The following PRDM11 variants were observed in gnomAD, a reference collection of about 807,000 sequenced individuals.
PRDM11 encodes PR domain-containing protein 11.
PRDM11 carries 20 observed loss-of-function variants against 97.8 expected under a neutral mutation model. The ratio of observed to expected loss-of-function variants is 0.20; its 90% CI spans 0.14 to 0.30. The LOEUF (loss-of-function observed/expected upper bound fraction) is 0.30. PRDM11 is among the 10% of genes least tolerant of loss of function. PRDM11 has a pLI of 1.00. For synonymous variants in PRDM11, 599 were observed against 637.7 expected (o/e 0.94, Z 0.91); for missense variants, 1,139 against 1,555.2 (o/e 0.73, Z 4.50).
Position 45,219,078 on chromosome 11 carries a change from T to C in PRDM11, c.555-492T>C, listed in dbSNP as rs559283044. 1.5e-4 allele frequency among the ~76,000 whole-genome samples: 23 copies of C among 152,330 alleles called. No individual in the cohort carries two copies. Among genetic ancestry groups the C allele is most frequent in the African/African-American group, 5.5e-4 (23 of 41,562 alleles). On this transcript the variant is annotated intron_variant, in intron 5 of 7. Coordinates refer to ENST00000683152, the MANE Select transcript of PRDM11 (RefSeq NM_001384648.1). This position sits in a 1 kb window ranked among gnomAD's most constrained non-coding sequence, Gnocchi z 4.2. Reference sequence around the variant, plus strand: ...AAAGATTTTGATCTTTAGCATTTATTAATTGATCTCTTGGACACCTTGTCA... The same window carrying C: ...AAAGATTTTGATCTTTAGCATTTATCAATTGATCTCTTGGACACCTTGTCA...
At chr11:45,137,164 A>AAAACAAACAAACAAAC (rs374207641) in intron 1 of PRDM11, among the ~76,000 whole-genome samples, 161 of 148,256 alleles carry the variant, frequency 1.1e-3, no homozygotes, top group African/African-American at 3.9e-3. Context: ...CTCTGTCTCA[A>AAAACAAACAAACAAAC]AAACAAACAA....
intron 4 of PRDM11, among the ~76,000 whole-genome samples, chr11:45,195,000 G>C (rs146480710): frequency 1.3e-5 from 2 of 151,844 alleles, no homozygotes; most frequent in East Asian, 3.9e-4. Flanking sequence ...CTTTTAACTA[G>C]ATCTCCAGTT....
intron 6 of PRDM11, 60 bp from the exon 7 acceptor site, chr11:45,224,157 G>T (rs1032305302): frequency 6.6e-7 from 1 of 1,513,948 alleles, no homozygotes; most frequent in Non-Finnish European, 8.8e-7. Flanking sequence ...TTTGTTTTCT[G>T]TTGGTTTCTC....
intron 1 of PRDM11, among the ~76,000 whole-genome samples, chr11:45,131,458 G>A (rs1852718283): frequency 6.6e-6 from 1 of 152,182 alleles, no homozygotes; most frequent in African/African-American, 2.4e-5. Flanking sequence ...CAAAGTTTTG[G>A]AGGGAAATTT....
chr11:45,166,718 C>A (rs973728553), intron 1 of PRDM11, among the ~76,000 whole-genome samples: 1 of 152,196 alleles, frequency 6.6e-6, no homozygotes, highest in Non-Finnish European at 1.5e-5. Flanking sequence ...GTAAAACACC[C>A]GACACAGAGC....
chr11:45,204,687 C>G, intron 4 of PRDM11, 24 bp from the exon 5 acceptor site: 1 of 1,600,270 alleles, frequency 6.2e-7, no homozygotes, highest in Non-Finnish European at 8.6e-7. Flanking sequence ...ATGGCCCATC[C>G]TAGACTCTTT....
intron 1 of PRDM11, among the ~76,000 whole-genome samples, chr11:45,125,721 C>A (rs11500465): frequency 4.6e-4 from 70 of 152,228 alleles, no homozygotes; most frequent in African/African-American, 1.7e-3. Context: ...GTTATAATTT[C>A]TGTTCTTTTA....
At chr11:45,122,013 G>A (rs999581630) in intron 1 of PRDM11, among the ~76,000 whole-genome samples, 5 of 151,750 alleles carry the variant, frequency 3.3e-5, no homozygotes, top group South Asian at 2.1e-4. Context: ...CAGGAAGATA[G>A]ATAAACAACA....
chr11:45,225,930 G>A (rs551618466), intron 7 of PRDM11, 65 bp from the exon 8 acceptor site: 2 of 1,436,926 alleles, frequency 1.4e-6, no homozygotes, highest in East Asian at 2.5e-5. Context: ...AGTGTTTCCT[G>A]TGGATTTTGG....
chr11:45,126,521 C>G lies in PRDM11; in HGVS notation c.96+30620C>G, dbSNP rs376551783. Among the ~76,000 whole-genome samples the G allele has an allele frequency of 6.2e-3, 943 of 152,046 alleles. 13 individuals carry two copies. The highest frequency in any genetic ancestry group is 0.021 in the African/African-American group (886 of 41,466). ...AGTGCTTCCTTCAGGAGCTCTTTTA[C>G]GGCAGGCCTGGTGGTGACAAAATCT... On this transcript the variant is annotated intron_variant, in intron 1 of 6. Transcript: ENST00000530656.
intron 1 of PRDM11, among the ~76,000 whole-genome samples, chr11:45,102,617 G>A (rs1011481366): frequency 6.6e-6 from 1 of 152,060 alleles, no homozygotes; most frequent in Non-Finnish European, 1.5e-5. Flanking sequence ...CAGTCCATTA[G>A]GTCCAGCCCC....
Position 45,212,883 on chromosome 11 carries a change from G to A in PRDM11, c.555-6687G>A, listed in dbSNP as rs1420910455. The A allele has an allele frequency of 9.3e-6, 4 of 430,344 alleles. No individual in the cohort carries two copies. In the Admixed American group the frequency reaches 9.7e-5, roughly 10 times the overall value. The allele number at this position is 430,344 out of a possible 1,614,324, so 26.7% of individuals were successfully genotyped here. A position where few individuals can be genotyped will look rare whatever the true frequency, so the allele number is the denominator to read the frequency against. The stretch of plus-strand genomic sequence containing the variant: ...CAGACGCTGACAGAGATCCGGGATG[G>A]GGTTCAGGCATCTCAGCGGGGGCCA... On this transcript the variant is annotated intron_variant, in intron 5 of 7. Transcript: ENST00000683152.
At chr11:45,221,875 C>T (rs1854130295) in intron 6 of PRDM11, among the ~76,000 whole-genome samples, 1 of 152,162 alleles carries the variant, frequency 6.6e-6, no homozygotes, top group Non-Finnish European at 1.5e-5. Context: ...GTAGCTTCAG[C>T]GGACTCTGGT....
intron 1 of PRDM11, among the ~76,000 whole-genome samples, chr11:45,152,248 G>T (rs541382617): frequency 3.3e-4 from 50 of 152,060 alleles, no homozygotes; most frequent in Non-Finnish European, 4.9e-4. Context: ...TGTATTTTCA[G>T]TAGAGACTGG....
intron 6 of PRDM11, among the ~76,000 whole-genome samples, chr11:45,223,394 A>G (rs1854172632): frequency 1.3e-5 from 2 of 152,244 alleles, no homozygotes; most frequent in Admixed American, 6.5e-5. Flanking sequence ...AAGTAATTCA[A>G]AGTGAATTGA....
upstream of PRDM11, among the ~76,000 whole-genome samples, chr11:45,143,636 G>C (rs1411447070): frequency 6.6e-6 from 1 of 152,184 alleles, no homozygotes; most frequent in Non-Finnish European, 1.5e-5. Context: ...CTGAGCAATG[G>C]AGTCAGGCAG....
chr11:45,158,742 C>A (rs1240108759), intron 1 of PRDM11, among the ~76,000 whole-genome samples: 2 of 152,004 alleles, frequency 1.3e-5, no homozygotes, highest in Non-Finnish European at 2.9e-5. Context: ...CCACCCTTCC[C>A]CAAAGCTGAT....
rs1302793832 is a variant in PRDM11 at position 45,234,551 on chromosome 11, C to G, written c.*6392C>G. ...CAGGCCGGGCCGAGCCTTCTTCCCA[C>G]TGCAGTGGACTAGACCCACGGCCAG... On this transcript the variant is annotated 3_prime_UTR_variant, in exon 8 of 8. Transcript: ENST00000683152. The G allele has an allele frequency of 2.0e-5, 3 of 152,302 alleles. No homozygotes were observed. The highest frequency in any genetic ancestry group is 2.4e-5 in the African/African-American group (1 of 41,440). The allele number at this position is 152,302 out of a possible 1,614,324, so 9.4% of individuals were successfully genotyped here.
intron 1 of PRDM11, among the ~76,000 whole-genome samples, chr11:45,178,340 G>A (rs1043307781): frequency 5.3e-5 from 8 of 152,054 alleles, no homozygotes; most frequent in African/African-American, 1.9e-4. Context: ...TGTAAGTGAC[G>A]TGCCATGGCC....
Sources: gnomAD v4.1 joint callset for allele counts (sites outside exome capture counted in the v4.1 genomes callset) on GRCh38, gnomAD v4.1.1 for gene constraint, Gnocchi (gnomAD v3.1) non-coding constraint, MANE v1.5 for transcripts, NCBI Gene and HGNC (gene_info 2026-07-23, HGNC 2026-07-21) for gene names.